Variants in PLOD1 observed in about 807,000 individuals in gnomAD.
PLOD1 encodes the protein lysine hydroxylase.
In PLOD1, 70 loss-of-function variants were observed where a neutral mutation model predicts 94.7. The observed-to-expected ratio is 0.74, with a 90% CI of 0.61 to 0.90. PLOD1 has a LOEUF of 0.90. Ranked by LOEUF, PLOD1 falls within the 40% of genes least tolerant of loss-of-function variation. PLOD1 has a pLI of 0.00. For synonymous variants in PLOD1, 417 were observed against 400.2 expected, an observed-to-expected ratio of 1.04 and a Z score of -0.50; for missense variants, 905 against 972.7, an observed-to-expected ratio of 0.93 and a Z score of 0.93.
Position 11,964,265 on chromosome 1 carries a change from CGAG to C in PLOD1, c.1296_1298del (p.Glu432del). 6.9e-7 allele frequency: 1 copy of C among 1,441,510 alleles called. No homozygotes were observed. Among genetic ancestry groups the C allele is most frequent in the South Asian group, 1.1e-5 (1 of 88,702 alleles). The allele number at this position is 1,441,510 out of a possible 1,614,324, so 89.3% of individuals were successfully genotyped here. A position where few individuals can be genotyped will look rare whatever the true frequency, so the allele number is the denominator to read the frequency against. On this transcript the variant is annotated inframe_deletion, in exon 12 of 19. Transcript: ENST00000196061. ...GTGCAGATGGCTACTATGCCCGTTC[CGAG>C]GACTACGTGGACATTGTGCAGGGGC...
rs759025771 is a variant in PLOD1 at position 11,960,618 on chromosome 1, G to A, written c.976-28G>A. The A allele has an allele frequency of 1.6e-5, 16 of 1,005,310 alleles. 1 individual carries two copies. The highest frequency in any genetic ancestry group is 5.1e-5 in the Admixed American group (3 of 59,012). The allele number at this position is 1,005,310 out of a possible 1,614,324, so 62.3% of individuals were successfully genotyped here. A position where few individuals can be genotyped will look rare whatever the true frequency, so the allele number is the denominator to read the frequency against. On this transcript the variant is annotated intron_variant, in intron 9 of 18. Coordinates refer to ENST00000196061, the MANE Select transcript of PLOD1 (RefSeq NM_000302.4). Reference sequence around the variant, plus strand: ...AAGCTGTGTCCTCCTCCTCACCCCCGCATCCCCTTCCCCATCCCCAACCCC... The same window carrying A: ...AAGCTGTGTCCTCCTCCTCACCCCCACATCCCCTTCCCCATCCCCAACCCC...
intron 6 of PLOD1, among the ~76,000 whole-genome samples, chr1:11,956,647 CACA>C (rs371783876): frequency 2.0e-5 from 3 of 152,258 alleles, no homozygotes; most frequent in African/African-American, 4.8e-5. Flanking sequence ...TGTAAGTAAC[CACA>C]ACAAGTACAG....
At chr1:11,950,030 T>A in intron 3 of PLOD1, 124 bp downstream of exon 3, 5 of 1,027,470 alleles carry the variant, frequency 4.9e-6, no homozygotes, top group Non-Finnish European at 7.7e-6. Flanking sequence ...TGCCTAGTTT[T>A]AGGGTGTCCA....
rs752696848 is a variant in PLOD1 at position 11,941,186 on chromosome 1, C to T, written c.76+6331C>T. 5.3e-5 allele frequency among the ~76,000 whole-genome samples: 8 copies of T among 152,190 alleles called. No individual in the cohort carries two copies. In the South Asian group the frequency reaches 1.2e-3, roughly 24 times the overall value. On this transcript the variant is annotated intron_variant, in intron 1 of 18. Transcript: ENST00000196061. ...ACATGCCTCATACAGCACACGGTAT[C>T]TCACCGGGTTCAGTGGTGGTAGCTG...
intron 16 of PLOD1, among the ~76,000 whole-genome samples, chr1:11,970,179 C>T (rs1013508684): frequency 2.0e-5 from 3 of 151,750 alleles, no homozygotes; most frequent in Admixed American, 6.6e-5. Context: ...TGAACTCAGG[C>T]GGTGGAGGTT....
At chr1:11,938,510 A>G (rs534719436) in intron 1 of PLOD1, among the ~76,000 whole-genome samples, 1 of 152,266 alleles carries the variant, frequency 6.6e-6, no homozygotes, top group African/African-American at 2.4e-5. Context: ...GGACAGGAGG[A>G]CAGAGTGGGT....
chr1:11,966,712 T>A (rs1338599196), intron 15 of PLOD1, among the ~76,000 whole-genome samples: 3 of 152,094 alleles, frequency 2.0e-5, no homozygotes, highest in Non-Finnish European at 4.4e-5. Flanking sequence ...CTCACTAATG[T>A]CTGCTTCCCC....
chr1:11,939,499 G>A (rs6682230), intron 1 of PLOD1, among the ~76,000 whole-genome samples: 18,035 of 152,134 alleles, frequency 0.12, 1,343 homozygotes, highest in African/African-American at 0.21. Flanking sequence ...GGAGGAGGGG[G>A]CATCCGGTGG....
chr1:11,963,678 C>A lies in PLOD1; in HGVS notation c.1202+42C>A. 7.5e-7 allele frequency: 1 copy of A among 1,330,120 alleles called. No individual in the cohort carries two copies. The highest frequency in any genetic ancestry group is 1.1e-6 in the Non-Finnish European group (1 of 940,688). The allele number at this position is 1,330,120 out of a possible 1,614,324, so 82.4% of individuals were successfully genotyped here. A position where few individuals can be genotyped will look rare whatever the true frequency, so the allele number is the denominator to read the frequency against. ...TGCACCCAGCACTGCTCAGGACTGG[C>A]CTGGTCCTGGGGTGGCAGCCCTCCT... On this transcript the variant is annotated intron_variant, in intron 11 of 18. Coordinates refer to ENST00000196061, the MANE Select transcript of PLOD1 (RefSeq NM_000302.4). This position sits in a 1 kb window ranked among gnomAD's most constrained non-coding sequence, Gnocchi z 4.3.
intron 6 of PLOD1, among the ~76,000 whole-genome samples, chr1:11,956,710 G>A (rs545275552): frequency 3.9e-5 from 6 of 152,216 alleles, no homozygotes; most frequent in African/African-American, 1.2e-4. Context: ...GGTGCCCCAC[G>A]CTTGTTCAAC....
At position 11,957,797 on chromosome 1, in the gene PLOD1, G is replaced by A; in HGVS notation, c.742-45G>A. On this transcript the variant is annotated intron_variant, in intron 7 of 18. Coordinates refer to ENST00000196061, the MANE Select transcript of PLOD1 (RefSeq NM_000302.4). This position sits in a 1 kb window ranked among gnomAD's most constrained non-coding sequence, Gnocchi z 4.1. ...GGAGATGTGAGTCAGGGCTATGGCAGGTGGGGCTGGCTGGCTTCTCTGTGA... is the reference window on the plus strand; with the variant it reads ...GGAGATGTGAGTCAGGGCTATGGCAAGTGGGGCTGGCTGGCTTCTCTGTGA... 1 of 1,337,504 alleles carries A rather than the reference G, an allele frequency of 7.5e-7. No homozygotes were observed. The highest frequency in any genetic ancestry group is 1.2e-5 in the South Asian group (1 of 85,596). 82.9% of individuals were successfully genotyped at this position (1,337,504 alleles called of 1,614,324 possible). A position where few individuals can be genotyped will look rare whatever the true frequency, so the allele number is the denominator to read the frequency against.
chr1:11,957,208 G>A lies in PLOD1; in HGVS notation c.741+194G>A, dbSNP rs771693632. ...CTGCTGTGGTGGTCAGTGGTACTCT[G>A]TCTGTTCTTGCTGGTCACAGGACAC... On this transcript the variant is annotated intron_variant, in intron 7 of 18. Coordinates refer to ENST00000196061, the MANE Select transcript of PLOD1 (RefSeq NM_000302.4). The surrounding 1 kb of genome is among the most constrained non-coding windows in gnomAD (Gnocchi z 4.1). 4 of 754,564 alleles carry A rather than the reference G, an allele frequency of 5.3e-6. No individual in the cohort carries two copies. The highest frequency in any genetic ancestry group is 3.4e-5 in the Admixed American group (2 of 58,124). The allele number at this position is 754,564 out of a possible 1,614,324, so 46.7% of individuals were successfully genotyped here. A position where few individuals can be genotyped will look rare whatever the true frequency, so the allele number is the denominator to read the frequency against.
In PLOD1 at chr1:11,958,031, A is replaced by G. The variant is rs1569706887; in HGVS notation, c.843+88A>G. 3.7e-5 allele frequency: 34 copies of G among 927,296 alleles called. No homozygotes were observed. In the South Asian group the frequency reaches 4.4e-4, roughly 12 times the overall value. The allele number at this position is 927,296 out of a possible 1,614,324, so 57.4% of individuals were successfully genotyped here. On this transcript the variant is annotated intron_variant, in intron 8 of 18. Coordinates refer to ENST00000196061, the MANE Select transcript of PLOD1 (RefSeq NM_000302.4). This position sits in a 1 kb window ranked among gnomAD's most constrained non-coding sequence, Gnocchi z 4.3. ...GATGGGTGATTCTGGAATAGACTCC[A>G]TTGTCTTTGGTGGAAAGTGAAGGGG...
intron 1 of PLOD1, among the ~76,000 whole-genome samples, chr1:11,938,846 A>T (rs1396552631): frequency 6.6e-6 from 1 of 152,172 alleles, no homozygotes; most frequent in Non-Finnish European, 1.5e-5. Flanking sequence ...ACCTCACTTC[A>T]GTAGACACCC....
chr1:11,956,526 C>G (rs1645738828), intron 6 of PLOD1, among the ~76,000 whole-genome samples: 1 of 152,186 alleles, frequency 6.6e-6, no homozygotes, highest in South Asian at 2.1e-4. Flanking sequence ...CAGTGCTGCT[C>G]TGCCTACTCA....
Position 11,964,210 on chromosome 1 carries a change from G to T in PLOD1, c.1238G>T (p.Arg413Met). The change falls in exon 12 of 19, where the codon AGG becomes ATG. Residue 413 changes from arginine (R) to methionine (M), a missense_variant. Coordinates refer to ENST00000196061, the MANE Select transcript of PLOD1 (RefSeq NM_000302.4). ...VIAPLMTRHG[R>M]LWSNFWGALS... ...GCCCCGCTGATGACCCGGCATGGGA[G>T]GCTGTGGTCGAACTTCTGGGGGGCT... 1 of 1,613,890 alleles carries T rather than the reference G, an allele frequency of 6.2e-7. No individual in the cohort carries two copies. Among genetic ancestry groups the T allele is most frequent in the Non-Finnish European group, 8.5e-7 (1 of 1,179,928 alleles).
intron 1 of PLOD1, among the ~76,000 whole-genome samples, chr1:11,947,169 G>A (rs555985874): frequency 1.6e-4 from 25 of 151,560 alleles, no homozygotes; most frequent in South Asian, 6.3e-4. Flanking sequence ...CTCAGGAGGC[G>A]GAGGTTGCAG....
At chr1:11,944,711 C>T in intron 1 of PLOD1, 1 of 1,243,634 alleles carries the variant, frequency 8.0e-7, no homozygotes, top group South Asian at 1.4e-5. Flanking sequence ...CCACCCCCTC[C>T]TCCCCCAGCA....
chr1:11,948,729 CAAAAAAAAAA>C (rs34167429), intron 2 of PLOD1, among the ~76,000 whole-genome samples: 1 of 139,482 alleles, frequency 7.2e-6, no homozygotes, highest in African/African-American at 2.6e-5. Flanking sequence ...AACTCTGTCT[CAAAAAAAAAA>C]AAGAAAATAA....
Sources: gnomAD v4.1 joint callset for allele counts (sites outside exome capture counted in the v4.1 genomes callset) on GRCh38, gnomAD v4.1.1 for gene constraint, Gnocchi (gnomAD v3.1) non-coding constraint, MANE v1.5 for transcripts, NCBI Gene and HGNC (gene_info 2026-07-23, HGNC 2026-07-21) for gene names.